The following SDK2 variants were observed in gnomAD, a reference collection of about 807,000 sequenced individuals.
The protein encoded by SDK2 is protein sidekick-2.
A neutral mutation model predicts 253.9 loss-of-function variants in SDK2; 105 were observed. That is an observed-to-expected ratio of 0.41 (90% confidence interval 0.35 to 0.49). The LOEUF (loss-of-function observed/expected upper bound fraction) is 0.49, where lower values mean the gene tolerates loss of function less well. Among genes scored for constraint, SDK2 ranks in the 20% least tolerant of loss-of-function variants. The probability of loss-of-function intolerance (pLI) is 0.06; values close to 1 mark genes in which losing one functional copy is unlikely to be tolerated. For missense variants in SDK2, 2,608 were observed against 3,003.0 expected, an observed-to-expected ratio of 0.87 and a Z score of 3.07; for synonymous variants, 1,249 against 1,234.9, an observed-to-expected ratio of 1.01 and a Z score of -0.24.
At chr17:73,525,174 T>C (rs1189504304) in intron 1 of SDK2, among the ~76,000 whole-genome samples, 2 of 152,152 alleles carry the variant, frequency 1.3e-5, no homozygotes, top group African/African-American at 2.4e-5. Context: ...CGGAGAACCA[T>C]GGGTCTTGTC....
intron 3 of SDK2, among the ~76,000 whole-genome samples, chr17:73,457,259 C>T (rs2063532885): frequency 1.6e-5 from 1 of 61,202 alleles, no homozygotes; most frequent in African/African-American, 8.6e-5. Flanking sequence ...TCCTTCCTTC[C>T]TTCCTTCCTT....
At chr17:73,457,222 T>C (rs1479977573) in intron 3 of SDK2, among the ~76,000 whole-genome samples, 1 of 41,272 alleles carries the variant, frequency 2.4e-5, no homozygotes, top group African/African-American at 9.6e-5. Flanking sequence ...TTTTCTTTTC[T>C]CTTCCTTCCT....
At chr17:73,554,876 A>G (rs2045119420) in intron 1 of SDK2, among the ~76,000 whole-genome samples, 1 of 152,218 alleles carries the variant, frequency 6.6e-6, no homozygotes, top group Non-Finnish European at 1.5e-5. Flanking sequence ...TTACAAACCC[A>G]TATTTGGGTT....
At chr17:73,510,087 G>A (rs1270559977) in intron 1 of SDK2, among the ~76,000 whole-genome samples, 1 of 151,844 alleles carries the variant, frequency 6.6e-6, no homozygotes, top group African/African-American at 2.4e-5. Flanking sequence ...TGGAGCATAA[G>A]GAAGGCCCAG....
At chr17:73,637,749 C>T (rs1260724203) in intron 1 of SDK2, among the ~76,000 whole-genome samples, 1 of 152,214 alleles carries the variant, frequency 6.6e-6, no homozygotes, top group Non-Finnish European at 1.5e-5. Flanking sequence ...TTGTGTATTT[C>T]AAATGGTACA....
chr17:73,527,879 C>A (rs1254123846), intron 1 of SDK2, among the ~76,000 whole-genome samples: 2 of 152,016 alleles, frequency 1.3e-5, no homozygotes, highest in East Asian at 3.9e-4. Context: ...GAGGAGGTGG[C>A]TTTTTCGCTA....
intron 2 of SDK2, among the ~76,000 whole-genome samples, chr17:73,504,066 C>G (rs1234725537): frequency 6.6e-6 from 1 of 151,978 alleles, no homozygotes; most frequent in African/African-American, 2.4e-5. Context: ...GAAGCTCTGA[C>G]TTCGGTTCTG....
intron 1 of SDK2, among the ~76,000 whole-genome samples, chr17:73,510,790 G>A (rs773453066): frequency 2.0e-5 from 3 of 152,166 alleles, no homozygotes; most frequent in East Asian, 1.9e-4. Context: ...CACCATGCCC[G>A]GCTTGCTAAT....
At chr17:73,381,692 G>A (rs1191573852) in intron 33 of SDK2, among the ~76,000 whole-genome samples, 1 of 150,210 alleles carries the variant, frequency 6.7e-6, no homozygotes, top group Non-Finnish European at 1.5e-5. Flanking sequence ...ACCACCTGAG[G>A]TCAGGAGTTC....
At chr17:73,456,823 G>C (rs994624386) in intron 3 of SDK2, among the ~76,000 whole-genome samples, 1 of 152,224 alleles carries the variant, frequency 6.6e-6, no homozygotes, top group East Asian at 1.9e-4. Context: ...CGGGACAAGG[G>C]GGTAGGGAGA....
intron 3 of SDK2, among the ~76,000 whole-genome samples, chr17:73,468,675 CTAATTTTTTTTT>C (rs2063621311): frequency 6.6e-6 from 1 of 150,734 alleles, no homozygotes; most frequent in African/African-American, 2.5e-5. Context: ...CCACGCCTGG[CTAATTTTTTTTT>C]TAATTTTTTT....
chr17:73,546,448 G>T (rs2044967168), intron 1 of SDK2, among the ~76,000 whole-genome samples: 1 of 152,236 alleles, frequency 6.6e-6, no homozygotes, highest in Non-Finnish European at 1.5e-5. Context: ...GAGAAAGCAG[G>T]AGAATGTGGA....
At chr17:73,500,739 AT>A (rs2063884307) in intron 2 of SDK2, among the ~76,000 whole-genome samples, 1 of 106,782 alleles carries the variant, frequency 9.4e-6, no homozygotes. Context: ...TCCTCCCTCC[AT>A]TCTCCTCCAT....
At chr17:73,567,960 G>C (rs907925379) in intron 1 of SDK2, among the ~76,000 whole-genome samples, 1 of 152,194 alleles carries the variant, frequency 6.6e-6, no homozygotes, top group Non-Finnish European at 1.5e-5. Context: ...AATGAGTTTA[G>C]ACTTTCAAGG....
intron 1 of SDK2, among the ~76,000 whole-genome samples, chr17:73,615,992 C>T (rs1430669613): frequency 6.6e-6 from 1 of 152,094 alleles, no homozygotes; most frequent in Non-Finnish European, 1.5e-5. Flanking sequence ...CCCAAATACA[C>T]GTACACACGC....
chr17:73,627,970 T>G (rs1430669449), intron 1 of SDK2, among the ~76,000 whole-genome samples: 1 of 152,186 alleles, frequency 6.6e-6, no homozygotes, highest in African/African-American at 2.4e-5. Context: ...GAGAATGGCA[T>G]GAACCCGGGA....
chr17:73,353,986 C>T (rs1200217285), intron 40 of SDK2, among the ~76,000 whole-genome samples: 2 of 152,114 alleles, frequency 1.3e-5, no homozygotes, highest in Admixed American at 6.6e-5. Context: ...CACGTGTGAG[C>T]CACCATGCCC....
intron 1 of SDK2, chr17:73,520,670 G>A (rs1018866088): frequency 5.3e-5 from 8 of 152,376 alleles, no homozygotes; most frequent in Admixed American, 2.6e-4. Context: ...CAAGGAGGGA[G>A]GTAAACAAAG....
intron 1 of SDK2, among the ~76,000 whole-genome samples, chr17:73,588,311 C>T (rs1477005375): frequency 1.4e-5 from 2 of 138,990 alleles, no homozygotes; most frequent in African/African-American, 2.8e-5. Flanking sequence ...CATTTGAATC[C>T]GGGAGGTGGA....
Sources: allele counts gnomAD v4.1 joint callset (sites outside exome capture counted in the v4.1 genomes callset), GRCh38; gene constraint gnomAD v4.1.1; transcripts MANE v1.5; gene names NCBI Gene and HGNC (gene_info 2026-07-23, HGNC 2026-07-21).